The following SLC25A16 variants were observed in gnomAD, a reference collection of about 807,000 sequenced individuals.
SLC25A16 encodes mitochondrial coenzyme A transporter SLC25A16.
In SLC25A16, 39 loss-of-function variants were observed where a neutral mutation model predicts 41.5. That is an observed-to-expected ratio of 0.94 (90% CI 0.73 to 1.23). The LOEUF (loss-of-function observed/expected upper bound fraction) is 1.23, where lower values mean the gene tolerates loss of function less well. SLC25A16 is among the 50% of genes most tolerant of loss of function. The probability of loss-of-function intolerance (pLI) is 0.00; values close to 1 mark genes in which losing one functional copy is unlikely to be tolerated. For missense variants in SLC25A16, 421 were observed against 426.9 expected (o/e 0.99, Z 0.12); for synonymous variants, 146 against 147.8 (o/e 0.99, Z 0.09).
chr10:68,497,707 C>T (rs1484416358), intron 4 of SLC25A16, among the ~76,000 whole-genome samples: 2 of 151,196 alleles, frequency 1.3e-5, no homozygotes, highest in Non-Finnish European at 2.9e-5. Flanking sequence ...ACCTCCGCCT[C>T]CCGGGTTCAA....
Position 68,527,353 on chromosome 10 carries a change from GC to G in SLC25A16, c.22del (p.Ala8GlnfsTer53). Reference sequence around the variant, plus strand: ...AGGGGGATCGGCCGCCGCCAGGGCTGCCGCGGCCGTCGCCGCCGCCATCAGG... The same window carrying G: ...AGGGGGATCGGCCGCCGCCAGGGCTGCGCGGCCGTCGCCGCCGCCATCAGG... Reference protein sequence around the residue: MAAATAAAALAAADPPPA... With the variant: MAAATAAXALAAADPPPA... On this transcript the variant is annotated frameshift_variant, in exon 1 of 9. Coordinates refer to ENST00000609923, the MANE Select transcript of SLC25A16 (RefSeq NM_152707.4). LOFTEE classifies it high-confidence loss of function. 1 of 1,509,886 alleles carries G rather than the reference GC, an allele frequency of 6.6e-7. No homozygotes were observed. The highest frequency in any genetic ancestry group is 1.3e-5 in the South Asian group (1 of 79,840). The allele number at this position is 1,509,886 out of a possible 1,614,324, so 93.5% of individuals were successfully genotyped here.
rs2133471291 is a variant in SLC25A16 at position 68,481,487 on chromosome 10, A to G, written c.*1945T>C. On this transcript the variant is annotated 3_prime_UTR_variant, in exon 9 of 9. Coordinates refer to ENST00000609923, the MANE Select transcript of SLC25A16 (RefSeq NM_152707.4). ...GTTTTCCTTCTTTTGTTTGAAAGAA[A>G]CGGGGTCTCACTATGTTGCCCAGGC... 6.6e-6 allele frequency: 1 copy of G among 152,238 alleles called. No individual in the cohort carries two copies. Among genetic ancestry groups the G allele is most frequent in the Admixed American group, 6.5e-5 (1 of 15,278 alleles). 9.4% of individuals were successfully genotyped at this position (152,238 alleles called of 1,614,324 possible). A position where few individuals can be genotyped will look rare whatever the true frequency, so the allele number is the denominator to read the frequency against.
intron 3 of SLC25A16, among the ~76,000 whole-genome samples, chr10:68,505,757 G>A (rs1392111846): frequency 2.0e-5 from 3 of 152,046 alleles, no homozygotes; most frequent in South Asian, 2.1e-4. Context: ...AATAAAGGCC[G>A]GGCACGGTGG....
chr10:68,526,596 G>C (rs186654282), intron 1 of SLC25A16, among the ~76,000 whole-genome samples: 1 of 152,066 alleles, frequency 6.6e-6, no homozygotes, highest in African/African-American at 2.4e-5. Flanking sequence ...TCCACCTTAC[G>C]AGAAACACCC....
At chr10:68,514,776 C>T (rs1243435965) in intron 2 of SLC25A16, among the ~76,000 whole-genome samples, 1 of 151,774 alleles carries the variant, frequency 6.6e-6, no homozygotes, top group Admixed American at 6.6e-5. Context: ...TCGCTCTTGT[C>T]CCCCAGGCTG....
At position 68,514,286 on chromosome 10, in the gene SLC25A16, C is replaced by T. The variant is rs187307463; in HGVS notation, c.223+2465G>A. 2.0e-3 allele frequency among the ~76,000 whole-genome samples: 307 copies of T among 152,114 alleles called. 1 individual carries two copies. The highest frequency in any genetic ancestry group is 7.0e-3 in the African/African-American group (290 of 41,482). Reference sequence around the variant, plus strand: ...CCGAGACGGGCAGATCACAAGGTCACGAGTTCCAGACCAGCCTGGCCAATA... The same window carrying T: ...CCGAGACGGGCAGATCACAAGGTCATGAGTTCCAGACCAGCCTGGCCAATA... On this transcript the variant is annotated intron_variant, in intron 2 of 8. Coordinates refer to ENST00000609923, the MANE Select transcript of SLC25A16 (RefSeq NM_152707.4).
At chr10:68,509,787 A>G (rs764730344) in intron 2 of SLC25A16, among the ~76,000 whole-genome samples, 1 of 150,606 alleles carries the variant, frequency 6.6e-6, no homozygotes, top group Non-Finnish European at 1.5e-5. Context: ...ATATATAGAT[A>G]GATATATTTT....
At chr10:68,502,331 A>G (rs894947964) in intron 4 of SLC25A16, among the ~76,000 whole-genome samples, 1 of 152,212 alleles carries the variant, frequency 6.6e-6, no homozygotes, top group African/African-American at 2.4e-5. Context: ...ATGTTTGGCC[A>G]TGTAAAACTT....
Position 68,517,071 on chromosome 10 carries a change from C to T in SLC25A16, c.131-228G>A, listed in dbSNP as rs752807494. The T allele has an allele frequency of 2.7e-5, 33 of 1,211,930 alleles. No homozygotes were observed. The Admixed American group carries it at 1.1e-3, about 41-fold the overall frequency. The allele number at this position is 1,211,930 out of a possible 1,614,324, so 75.1% of individuals were successfully genotyped here. A position where few individuals can be genotyped will look rare whatever the true frequency, so the allele number is the denominator to read the frequency against. On this transcript the variant is annotated intron_variant, in intron 1 of 8. Coordinates refer to ENST00000609923, the MANE Select transcript of SLC25A16 (RefSeq NM_152707.4). ...TAAAACAAATTTTAGTAGTGTAAAT[C>T]GTCATCTAATACCTGAGGAAGGCTG...
rs552889739 is a variant in SLC25A16, at chr10:68,527,305, C to T, written c.71G>A (p.Gly24Glu). 1.3e-6 allele frequency: 2 copies of T among 1,544,516 alleles called. No individual in the cohort carries two copies. The highest frequency in any genetic ancestry group is 2.0e-5 in the Admixed American group (1 of 50,056). The change falls in exon 1 of 9, where the codon GGG (glycine) becomes GAG (glutamate). Residue 24 changes from glycine (G) to glutamate (E), a missense_variant. By Grantham distance (98) the Gly-to-Glu change is moderately conservative (BLOSUM62 -2). Transcript: ENST00000609923. ...DPPPAMPQAA[G>E]AGGPTTRRDF... ...TCTGCGGGTTGTGGGCCCTCCGGCC[C>T]CTGCCGCCTGCGGCATTGCGGGAGG...
chr10:68,496,737 C>T (rs757217769), intron 4 of SLC25A16: 1 of 895,644 alleles, frequency 1.1e-6, no homozygotes. Flanking sequence ...CCAGCAATTA[C>T]ATTAGAAATC....
intron 6 of SLC25A16, among the ~76,000 whole-genome samples, chr10:68,491,868 G>A (rs546067637): frequency 2.0e-5 from 3 of 152,096 alleles, no homozygotes; most frequent in East Asian, 1.9e-4. Flanking sequence ...TCACTCTTTC[G>A]CCCAGGCTGG....
chr10:68,519,896 CA>C (rs1418718038), intron 1 of SLC25A16, among the ~76,000 whole-genome samples: 3 of 149,954 alleles, frequency 2.0e-5, no homozygotes, highest in African/African-American at 7.4e-5. Flanking sequence ...GCCTGGGCGA[CA>C]AGAACGAAAC....
chr10:68,510,699 G>A (rs1337081265), intron 2 of SLC25A16, among the ~76,000 whole-genome samples: 1 of 152,036 alleles, frequency 6.6e-6, no homozygotes, highest in East Asian at 1.9e-4. Context: ...TCAGCCAGGC[G>A]TAGTGGCATG....
chr10:68,506,207 G>A (rs1389025387), intron 3 of SLC25A16, among the ~76,000 whole-genome samples: 1 of 152,166 alleles, frequency 6.6e-6, no homozygotes, highest in African/African-American at 2.4e-5. Flanking sequence ...CATGGCTCAT[G>A]CCTGCAATCC....
At chr10:68,497,712 G>A (rs1398191142) in intron 4 of SLC25A16, among the ~76,000 whole-genome samples, 1 of 151,266 alleles carries the variant, frequency 6.6e-6, no homozygotes, top group Non-Finnish European at 1.5e-5. Context: ...CGCCTCCCGG[G>A]TTCAAGCAAT....
chr10:68,486,160 G>T (rs1201574655), intron 8 of SLC25A16, among the ~76,000 whole-genome samples: 1 of 147,634 alleles, frequency 6.8e-6, no homozygotes, highest in Non-Finnish European at 1.5e-5. Flanking sequence ...GGAGGTTGCA[G>T]TGAGCTGAGT....
intron 3 of SLC25A16, 65 bp from the exon 4 acceptor site, chr10:68,503,760 T>C (rs2052899387): frequency 2.1e-6 from 2 of 967,246 alleles, no homozygotes; most frequent in Non-Finnish European, 3.3e-6. Context: ...CACTGTTTAA[T>C]AATGAAGATT....
intron 4 of SLC25A16, among the ~76,000 whole-genome samples, chr10:68,500,970 G>C (rs1027086264): frequency 6.6e-6 from 1 of 150,848 alleles, no homozygotes; most frequent in Admixed American, 6.6e-5. Context: ...GTGATATACA[G>C]GATGCGTGCG....
Sources: gnomAD v4.1 joint callset for allele counts (sites outside exome capture counted in the v4.1 genomes callset) on GRCh38, gnomAD v4.1.1 for gene constraint, MANE v1.5 for transcripts, NCBI Gene and HGNC (gene_info 2026-07-23, HGNC 2026-07-21) for gene names.